Variants in PSD observed in about 807,000 individuals in gnomAD.
The protein encoded by PSD is pleckstrin and Sec7 domain containing, also known as PH and SEC7 domain-containing protein 1.
In PSD, 32 loss-of-function variants were observed where a neutral mutation model predicts 91.6. That is an observed-to-expected ratio of 0.35 (90% CI 0.26 to 0.47). The LOEUF is 0.47. PSD is among the 20% of genes least tolerant of loss of function. PSD has a pLI of 1.00. For synonymous variants in PSD, 532 were observed against 569.3 expected (o/e 0.93, Z 0.93); for missense variants, 1,099 against 1,373.9 (o/e 0.80, Z 3.16).
At chr10:102,415,440 G>A (rs2061468154) in intron 3 of PSD, among the ~76,000 whole-genome samples, 2 of 152,162 alleles carry the variant, frequency 1.3e-5, no homozygotes, top group Admixed American at 6.5e-5. Flanking sequence ...TGAGGAGCTG[G>A]GGGAAGACCA....
In PSD at chr10:102,405,163, C is replaced by A. The variant is rs2061345419; in HGVS notation, c.2397+20G>T. 6.2e-7 allele frequency: 1 copy of A among 1,610,820 alleles called. No homozygotes were observed. Among genetic ancestry groups the A allele is most frequent in the Non-Finnish European group, 8.5e-7 (1 of 1,179,802 alleles). On this transcript the variant is annotated intron_variant, in intron 13 of 16. Coordinates refer to ENST00000020673, the MANE Select transcript of PSD (RefSeq NM_002779.5). This position sits in a 1 kb window ranked among gnomAD's most constrained non-coding sequence, Gnocchi z 5.4. ...CAGCCAACTCAGTCCCAGCCCCAGCCCCCTGGCCTGACCCCGCACCTTCTG... is the reference window on the plus strand; with the variant it reads ...CAGCCAACTCAGTCCCAGCCCCAGCACCCTGGCCTGACCCCGCACCTTCTG...
At chr10:102,411,914 G>T (rs780062342) in intron 7 of PSD, 95 bp from the exon 8 acceptor site, 3 of 985,724 alleles carry the variant, frequency 3.0e-6, no homozygotes, top group Non-Finnish European at 4.8e-6. Flanking sequence ...AGCAGCTGGG[G>T]TGGGAAGGGG....
In PSD at chr10:102,403,252, C is replaced by G. The variant is rs201058335; in HGVS notation, c.3023G>C (p.Arg1008Pro). 11 of 1,606,444 alleles carry G rather than the reference C, an allele frequency of 6.8e-6. No individual in the cohort carries two copies. The Admixed American group carries it at 8.4e-5, about 12-fold the overall frequency. ...PKPSSQPRAQRHSSEPRPGAG... is the reference protein window; with the variant it reads ...PKPSSQPRAQPHSSEPRPGAG... ...CCCTGGCCGAGGCTCTGAGCTGTGA[C>G]GCTGAGCCCGGGGCTGGCTGGAGGG... is the stretch of plus-strand genomic sequence containing the variant. Residue 1008 changes from arginine (R) to proline (P), a missense_variant, in exon 17 of 17, where the codon CGT (arginine) becomes CCT (proline). Arg to Pro is a moderately radical substitution (Grantham distance 103, BLOSUM62 -2). This residue lies in a region of PSD where 358 missense variants were observed against 426.5 expected (regional missense o/e 0.84). Coordinates refer to ENST00000020673, the MANE Select transcript of PSD (RefSeq NM_002779.5). The surrounding 1 kb of genome is among the most constrained non-coding windows in gnomAD (Gnocchi z 6.7).
At position 102,403,872 on chromosome 10, in the gene PSD, C is replaced by T. The variant is rs780334810; in HGVS notation, c.2814G>A (p.Gln938=). The T allele has an allele frequency of 6.2e-6, 10 of 1,610,116 alleles. No homozygotes were observed. In the South Asian group the frequency reaches 1.1e-4, roughly 18 times the overall value. The change falls in exon 16 of 17, where the codon CAG becomes CAA. Residue 938 remains glutamine (Q), a synonymous_variant. Transcript: ENST00000020673. The surrounding 1 kb of genome is among the most constrained non-coding windows in gnomAD (Gnocchi z 6.7). The stretch of plus-strand genomic sequence containing the variant: ...ACTCCAGGTAGGCCTCCTTCTGCCG[C>T]TGCTCTTCAGCCTCCTTGCCCCGGC... ...KKGRGKEAEE[Q]RQKEAYLEFE... is the part of the protein sequence containing the mutation.
In PSD at chr10:102,404,037, T is replaced by C. The variant is rs1284229475; in HGVS notation, c.2701-52A>G. ...TGGTCACTCTGCCCTATACAGTGCC[T>C]CTGCAGATTTTTAAAAAGATACCCC... On this transcript the variant is annotated intron_variant, in intron 15 of 16. Transcript: ENST00000020673. The surrounding 1 kb of genome is among the most constrained non-coding windows in gnomAD (Gnocchi z 5.7). The C allele has an allele frequency of 5.6e-5, 82 of 1,476,126 alleles. No individual in the cohort carries two copies. Among genetic ancestry groups the C allele is most frequent in the Non-Finnish European group, 7.1e-5 (79 of 1,111,092 alleles). The allele number at this position is 1,476,126 out of a possible 1,614,324, so 91.4% of individuals were successfully genotyped here.
At chr10:102,408,798 G>A in intron 10 of PSD, 3 of 823,230 alleles carry the variant, frequency 3.6e-6, no homozygotes, top group Non-Finnish European at 2.9e-6. Flanking sequence ...TCCCTACCAG[G>A]CTCCGCCCTC....
rs2061407148 is a variant in PSD, at chr10:102,409,911, ACT to A, written c.2091+945_2091+946del. ...AGCCTACACCCCAACTCAAACACAC[ACT>A]CTGAATCGTAAGCCCTAAAGCACAA... On this transcript the variant is annotated intron_variant, in intron 10 of 16. Transcript: ENST00000020673. The surrounding 1 kb of genome is among the most constrained non-coding windows in gnomAD (Gnocchi z 5.7). Among the ~76,000 whole-genome samples the A allele has an allele frequency of 6.6e-6, 1 of 151,762 alleles. No homozygotes were observed. The highest frequency in any genetic ancestry group is 6.6e-5 in the Admixed American group (1 of 15,232).
Position 102,414,897 on chromosome 10 carries a change from C to A in PSD, c.1090G>T (p.Asp364Tyr). 1 of 1,507,530 alleles carries A rather than the reference C, an allele frequency of 6.6e-7. No homozygotes were observed. The highest frequency in any genetic ancestry group is 1.3e-5 in the South Asian group (1 of 76,824). 93.4% of individuals were successfully genotyped at this position (1,507,530 alleles called of 1,614,324 possible). A position where few individuals can be genotyped will look rare whatever the true frequency, so the allele number is the denominator to read the frequency against. ...TCAGAGGCCTCAAACACCTCGTCGT[C>A]CACATCTTCTTCCCCACCTGCCTCA... The part of the protein sequence containing the change: ...DDEAGGEEDV[D>Y]DEVFEASEGA... Residue 364 changes from aspartate (D) to tyrosine (Y), a missense_variant, in exon 4 of 17, where the codon GAC (aspartate) becomes TAC (tyrosine). Physicochemically the swap from Asp to Tyr is radical, Grantham distance 160. Around this residue, in one of 3 missense-constraint regions of PSD, gnomAD observed 631 missense variants for 728.8 expected, o/e 0.87. Transcript: ENST00000020673. The surrounding 1 kb of genome is among the most constrained non-coding windows in gnomAD (Gnocchi z 5.6).
chr10:102,417,071 G>A lies in PSD; in HGVS notation c.-33C>T, dbSNP rs753312529. ...CCGGGGGTCAGGCTGGGGGGGCAGG[G>A]ATGGCGAGGCCAGGCGGGGAGTAAG... is the stretch of plus-strand genomic sequence containing the variant. On this transcript the variant is annotated 5_prime_UTR_variant, in exon 2 of 17. Transcript: ENST00000020673. The A allele has an allele frequency of 2.8e-5, 39 of 1,377,328 alleles. No individual in the cohort carries two copies. In the Admixed American group the frequency reaches 6.7e-4, roughly 24 times the overall value. 85.3% of individuals were successfully genotyped at this position (1,377,328 alleles called of 1,614,324 possible).
intron 1 of PSD, among the ~76,000 whole-genome samples, chr10:102,418,244 A>C (rs1384504972): frequency 6.6e-6 from 1 of 152,126 alleles, no homozygotes; most frequent in African/African-American, 2.4e-5. Context: ...GTGTGTAATG[A>C]AAAGGCACAT....
Position 102,409,578 on chromosome 10 carries a change from C to A in PSD, c.2091+1280G>T, listed in dbSNP as rs1037731877. Among the ~76,000 whole-genome samples the A allele has an allele frequency of 3.3e-5, 5 of 152,048 alleles. No homozygotes were observed. The highest frequency in any genetic ancestry group is 1.2e-4 in the African/African-American group (5 of 41,394). ...TTCCCTGCAGCCCTTTTCCACTGAG[C>A]CAAGAGGGGCCTCGAGGGAGGACGG... On this transcript the variant is annotated intron_variant, in intron 10 of 16. Coordinates refer to ENST00000020673, the MANE Select transcript of PSD (RefSeq NM_002779.5). The surrounding 1 kb of genome is among the most constrained non-coding windows in gnomAD (Gnocchi z 5.7).
At position 102,403,895 on chromosome 10, in the gene PSD, G is replaced by C. The variant is rs776515896; in HGVS notation, c.2791C>G (p.Arg931Gly). Residue 931 changes from arginine (R) to glycine (G), a missense_variant, in exon 16 of 17, where the codon CGG (arginine) becomes GGG (glycine). By Grantham distance (125) the Arg-to-Gly change is moderately radical (BLOSUM62 -2). Around this residue, in one of 3 missense-constraint regions of PSD, gnomAD observed 358 missense variants for 426.5 expected, o/e 0.84. Transcript: ENST00000020673. The surrounding 1 kb of genome is among the most constrained non-coding windows in gnomAD (Gnocchi z 6.7). ...HRAAQLGKKG[R>G]GKEAEEQRQK... ...CGCTGCTCTTCAGCCTCCTTGCCCC[G>C]GCCCTTCTTGCCCAGCTGGGCGGCC... 1.0e-5 allele frequency: 16 copies of C among 1,605,672 alleles called. 1 individual carries two copies. The Admixed American group carries it at 1.2e-4, about 12-fold the overall frequency.
Position 102,410,312 on chromosome 10 carries a change from C to A in PSD, c.2091+546G>T, listed in dbSNP as rs568222773. Among the ~76,000 whole-genome samples the A allele has an allele frequency of 2.0e-5, 3 of 152,364 alleles. No individual in the cohort carries two copies. The East Asian group carries it at 5.8e-4, about 29-fold the overall frequency. On this transcript the variant is annotated intron_variant, in intron 10 of 16. Transcript: ENST00000020673. The surrounding 1 kb of genome is among the most constrained non-coding windows in gnomAD (Gnocchi z 6.0). ...TGGAGCTGGCGCCTGGGAACGGGAC[C>A]TGCTCACAGGGAGCCAGAAAGCAGT...
chr10:102,411,589 C>T (rs560737068), intron 8 of PSD, 118 bp downstream of exon 8: 9 of 762,594 alleles, frequency 1.2e-5, no homozygotes, highest in Admixed American at 1.0e-4. Flanking sequence ...CATGCCTACA[C>T]GCATGTACAT....
upstream of PSD, chr10:102,419,636 C>A (rs1185399304): frequency 6.4e-6 from 1 of 155,966 alleles, no homozygotes; most frequent in South Asian, 1.6e-4. This position sits in a 1 kb window ranked among gnomAD's most constrained non-coding sequence, Gnocchi z 4.8. Flanking sequence ...ACGTGCGAGG[C>A]GGGGGCGCGC....
rs1446014570 is a variant in PSD at position 102,416,489 on chromosome 10, C to T, written c.550G>A (p.Gly184Arg). The change falls in exon 2 of 17, where the codon GGA (glycine) becomes AGA (arginine). Residue 184 changes from glycine to arginine, a missense_variant. Physicochemically the swap from Gly to Arg is moderately radical, Grantham distance 125. Coordinates refer to ENST00000020673, the MANE Select transcript of PSD (RefSeq NM_002779.5). This position sits in a 1 kb window ranked among gnomAD's most constrained non-coding sequence, Gnocchi z 6.0. ...AGAGAGGAGTAAAGGCCATCTGCTC[C>T]AACCTGGGGTGGGGCTGGCGGCCCA... ...VHGPPAPPQV[G>R]ADGLYSSLPN... 2.5e-6 allele frequency: 4 copies of T among 1,613,374 alleles called. No individual in the cohort carries two copies. The African/African-American group carries it at 5.3e-5, about 22-fold the overall frequency.
At position 102,403,459 on chromosome 10, in the gene PSD, G is replaced by T. The variant is rs2061310319; in HGVS notation, c.2845-29C>A. ...AGGCAGAGGGGCAGGGGCTGTGAGA[G>T]CCTCTTCTCTGCCTTCTGCCCACCC... is the stretch of plus-strand genomic sequence containing the variant. On this transcript the variant is annotated intron_variant, in intron 16 of 16. Coordinates refer to ENST00000020673, the MANE Select transcript of PSD (RefSeq NM_002779.5). This position sits in a 1 kb window ranked among gnomAD's most constrained non-coding sequence, Gnocchi z 6.7. 2 of 1,570,282 alleles carry T rather than the reference G, an allele frequency of 1.3e-6. No individual in the cohort carries two copies. Among genetic ancestry groups the T allele is most frequent in the Non-Finnish European group, 1.7e-6 (2 of 1,157,946 alleles).
intron 11 of PSD, among the ~76,000 whole-genome samples, chr10:102,406,740 C>A (rs1477556235): frequency 1.3e-5 from 2 of 152,202 alleles, no homozygotes; most frequent in African/African-American, 4.8e-5. Context: ...CTCCTGACCT[C>A]GTGATCTGCC....
At chr10:102,411,555 G>T in intron 8 of PSD, 152 bp downstream of exon 8, 1 of 667,898 alleles carries the variant, frequency 1.5e-6, no homozygotes, top group Non-Finnish European at 2.7e-6. Context: ...CCATGACAGC[G>T]CTGTCTGCAC....
Sources: gnomAD v4.1 joint callset for allele counts (sites outside exome capture counted in the v4.1 genomes callset) on GRCh38, gnomAD v4.1.1 for gene constraint, gnomAD v4.1.1 regional missense constraint, Gnocchi (gnomAD v3.1) non-coding constraint, MANE v1.5 for transcripts, NCBI Gene and HGNC (gene_info 2026-07-23, HGNC 2026-07-21) for gene names.